SECISBP2: variants seen among roughly 807,000 people sequenced by gnomAD.
SECISBP2 encodes the protein SECIS binding protein 2.
A neutral mutation model predicts 98.2 loss-of-function variants in SECISBP2; 96 were observed. The observed-to-expected ratio is 0.98, with a 90% CI of 0.83 to 1.16. The LOEUF (loss-of-function observed/expected upper bound fraction) is 1.16. Ranked by LOEUF, SECISBP2 falls within the 50% of genes most tolerant of loss-of-function variation. The pLI is 0.00. For missense variants in SECISBP2, 1,046 were observed against 1,022.9 expected (o/e 1.02, Z -0.31); for synonymous variants, 407 against 370.2 (o/e 1.10, Z -1.14).
At chr9:89,338,353 C>T (rs1447006692) in intron 7 of SECISBP2, 105 bp from the exon 8 acceptor site, 3 of 1,304,338 alleles carry the variant, frequency 2.3e-6, no homozygotes, top group Non-Finnish European at 3.2e-6. Context: ...ATAAAATTGT[C>T]ATGTGATTAT....
intron 14 of SECISBP2, among the ~76,000 whole-genome samples, chr9:89,351,745 G>A (rs768504284): frequency 6.6e-6 from 1 of 152,182 alleles, no homozygotes; most frequent in African/African-American, 2.4e-5. Flanking sequence ...GTCCTAACTT[G>A]GTACGGGTCC....
In SECISBP2 at chr9:89,357,985, C is replaced by G; in HGVS notation, c.2269-14C>G. 1 of 1,612,062 alleles carries G rather than the reference C, an allele frequency of 6.2e-7. No homozygotes were observed. Among genetic ancestry groups the G allele is most frequent in the Non-Finnish European group, 8.5e-7 (1 of 1,179,874 alleles). The stretch of plus-strand genomic sequence containing the variant: ...AGCTGGGATGTTACCTGTGTGCTCT[C>G]ACTTGTGCCCAAGGATCAGTTCCAC... On this transcript the variant is annotated splice_polypyrimidine_tract_variant and intron_variant, in intron 15 of 16. Coordinates refer to ENST00000375807, the MANE Select transcript of SECISBP2 (RefSeq NM_024077.5).
At chr9:89,348,888 T>G (rs993416298) in intron 12 of SECISBP2, among the ~76,000 whole-genome samples, 2 of 152,246 alleles carry the variant, frequency 1.3e-5, no homozygotes, top group Non-Finnish European at 2.9e-5. Flanking sequence ...TAAAATTCGG[T>G]TGGACGAATG....
the SECISBP2 span, among the ~76,000 whole-genome samples, chr9:89,366,309 T>C: frequency 6.6e-6 from 1 of 152,214 alleles, no homozygotes; most frequent in Non-Finnish European, 1.5e-5. Flanking sequence ...ATTTTTTCTT[T>C]ATACTTCCCT....
intron 5 of SECISBP2, among the ~76,000 whole-genome samples, chr9:89,332,331 A>G (rs1827890990): frequency 6.6e-6 from 1 of 152,140 alleles, no homozygotes; most frequent in African/African-American, 2.4e-5. Context: ...ATCATCACCC[A>G]AAGCGCATCG....
At chr9:89,319,622 T>C (rs1369554064) in intron 1 of SECISBP2, 30 bp from the exon 2 acceptor site, 1 of 1,613,716 alleles carries the variant, frequency 6.2e-7, no homozygotes, top group South Asian at 1.1e-5. Context: ...CTCTGAATGT[T>C]TGTGGCCAAA....
intron 2 of SECISBP2, chr9:89,322,561 T>G (rs1442293957): frequency 6.6e-6 from 1 of 152,262 alleles, no homozygotes. Context: ...TAACGTGCTA[T>G]TCTTCAAAAT....
At chr9:89,346,857 A>C in intron 10 of SECISBP2, 25 bp from the exon 11 acceptor site, 1 of 1,613,624 alleles carries the variant, frequency 6.2e-7, no homozygotes. Context: ...GGTGACCGTG[A>C]GGGCTTTGTC....
At chr9:89,356,678 A>T (rs1161496193) in intron 14 of SECISBP2, 5 of 150,602 alleles carry the variant, frequency 3.3e-5, no homozygotes, top group African/African-American at 1.2e-4. Context: ...TATGTTGCGT[A>T]GGCTGGTATT....
intron 14 of SECISBP2, among the ~76,000 whole-genome samples, chr9:89,352,041 G>A (rs1831353486): frequency 6.6e-6 from 1 of 152,198 alleles, no homozygotes; most frequent in African/African-American, 2.4e-5. Flanking sequence ...AGGCTTGTGA[G>A]CAACTGCTTC....
At chr9:89,333,167 A>G (rs770253015) in intron 6 of SECISBP2, among the ~76,000 whole-genome samples, 181 bp downstream of exon 6, 2 of 152,260 alleles carry the variant, frequency 1.3e-5, no homozygotes, top group Non-Finnish European at 2.9e-5. Flanking sequence ...ACATCCACAC[A>G]CAAAGAGTAT....
chr9:89,357,748 G>C (rs1319899883), intron 15 of SECISBP2, among the ~76,000 whole-genome samples, 183 bp downstream of exon 15: 1 of 152,208 alleles, frequency 6.6e-6, no homozygotes, highest in African/African-American at 2.4e-5. Context: ...TGACATCATG[G>C]GTTGTCTGGT....
chr9:89,347,151 T>C (rs540370926), intron 11 of SECISBP2, 103 bp downstream of exon 11: 2 of 1,189,992 alleles, frequency 1.7e-6, no homozygotes, highest in East Asian at 2.5e-5. Context: ...ACGACTTGTA[T>C]TACTTGAATA....
chr9:89,355,015 G>GCCT (rs566711501), intron 14 of SECISBP2: 458 of 985,416 alleles, frequency 4.6e-4, no homozygotes, highest in Non-Finnish European at 4.7e-4. Context: ...CCAGGAGGCT[G>GCCT]CCTCCTCATC....
chr9:89,350,030 T>A (rs1831034389), intron 13 of SECISBP2, 101 bp downstream of exon 13: 5 of 1,421,304 alleles, frequency 3.5e-6, no homozygotes, highest in Non-Finnish European at 4.9e-6. Context: ...TGGGCCACAC[T>A]GTGCTTTAAA....
At chr9:89,362,029 GA>G, downstream of SECISBP2, 1 of 407,360 alleles carries the variant, frequency 2.5e-6, no homozygotes, top group African/African-American at 2.0e-5. Context: ...GACGGTGTAG[GA>G]TCAGCCTTCA....
At chr9:89,337,654 A>G (rs1029434016) in intron 7 of SECISBP2, among the ~76,000 whole-genome samples, 2 of 152,184 alleles carry the variant, frequency 1.3e-5, no homozygotes, top group African/African-American at 2.4e-5. Flanking sequence ...GTAGATAAGC[A>G]TATTCTTTTT....
chr9:89,338,511 TAAGAAA>T lies in SECISBP2; in HGVS notation c.1150_1155del (p.Lys384_Lys385del). 3.7e-6 allele frequency: 6 copies of T among 1,613,332 alleles called. No individual in the cohort carries two copies. The highest frequency in any genetic ancestry group is 5.1e-6 in the Non-Finnish European group (6 of 1,179,780). On this transcript the variant is annotated inframe_deletion, in exon 8 of 17. Transcript: ENST00000375807. Reference sequence around the variant, plus strand: ...AACAAAATGAAGCCTCAAGAAAGAATAAGAAAAAGAAAGAAAAATCTACATCAAAAT... The same window carrying T: ...AACAAAATGAAGCCTCAAGAAAGAATAAGAAAGAAAAATCTACATCAAAAT...
At position 89,318,616 on chromosome 9, in the gene SECISBP2, AG is replaced by A; in HGVS notation, c.36+7del. On this transcript the variant is annotated splice_donor_5th_base_variant and intron_variant, in intron 1 of 16. Transcript: ENST00000375807. Reference sequence around the variant, plus strand: ...GCCGCGGGAGCCCGAAAGCGAGGTAAGGGCCGACGGGGGCTCTCTCGGCAGC... The same window carrying A: ...GCCGCGGGAGCCCGAAAGCGAGGTAAGGCCGACGGGGGCTCTCTCGGCAGC... 6.9e-7 allele frequency: 1 copy of A among 1,441,358 alleles called. No individual in the cohort carries two copies. Among genetic ancestry groups the A allele is most frequent in the Non-Finnish European group, 9.0e-7 (1 of 1,106,334 alleles). The allele number at this position is 1,441,358 out of a possible 1,614,324, so 89.3% of individuals were successfully genotyped here.
Sources: gnomAD v4.1 joint callset for allele counts (sites outside exome capture counted in the v4.1 genomes callset) on GRCh38, gnomAD v4.1.1 for gene constraint, MANE v1.5 for transcripts, NCBI Gene and HGNC (gene_info 2026-07-23, HGNC 2026-07-21) for gene names.